BTG4: variants seen among roughly 807,000 people sequenced by gnomAD.
The protein encoded by BTG4 is protein BTG4.
BTG4 carries 10 observed loss-of-function variants against 19.3 expected under a neutral mutation model. The observed-to-expected ratio is 0.52, with a 90% CI of 0.32 to 0.88. BTG4 has a LOEUF of 0.88. Among genes scored for constraint, BTG4 ranks in the 40% least tolerant of loss-of-function variants. The pLI is 0.04. For missense variants in BTG4, 238 were observed against 281.9 expected (o/e 0.84, Z 1.11); for synonymous variants, 91 against 95.7 (o/e 0.95, Z 0.29).
In BTG4 at chr11:111,495,297, C is replaced by G. The variant is rs1242707875; in HGVS notation, c.528G>C (p.Gln176His). ...KSIYQVENLK[Q>H]PFQSWLQIPR... is the part of the protein sequence containing the mutation. ...GGATTTGTAACCAAGATTGAAAGGGCTGTTTCAAGTTTTCAACCTGGAAAA... is the reference window on the plus strand; with the variant it reads ...GGATTTGTAACCAAGATTGAAAGGGGTGTTTCAAGTTTTCAACCTGGAAAA... Residue 176 changes from glutamine (Q) to histidine (H), a missense_variant, in exon 5 of 5, where the codon CAG becomes CAC. Physicochemically the swap from Gln to His is conservative, Grantham distance 24. Coordinates refer to ENST00000692032, the MANE Select transcript of BTG4 (RefSeq NM_001367975.1). The G allele has an allele frequency of 6.2e-7, 1 of 1,611,070 alleles. No homozygotes were observed. The highest frequency in any genetic ancestry group is 8.5e-7 in the Non-Finnish European group (1 of 1,178,966).
At chr11:111,444,562 G>A in the BTG4 span, among the ~76,000 whole-genome samples, 2 of 152,048 alleles carry the variant, frequency 1.3e-5, no homozygotes, top group Admixed American at 6.6e-5. Flanking sequence ...GACTATAGTC[G>A]ATAATAACTT....
At position 111,498,692 on chromosome 11, in the gene BTG4, C is replaced by T; in HGVS notation, c.85G>A (p.Asp29Asn). The T allele has an allele frequency of 6.2e-7, 1 of 1,613,614 alleles. No individual in the cohort carries two copies. Among genetic ancestry groups the T allele is most frequent in the Non-Finnish European group, 8.5e-7 (1 of 1,179,824 alleles). ...HDKLSKQQIE[D>N]FAEKLMTILF... ...ATCGTCATCAGCTTTTCTGCAAAGT[C>T]TTCTATTTGCTGTTTACTTAGTTTA... The change falls in exon 2 of 5, where the codon GAC becomes AAC. Residue 29 changes from aspartate (D) to asparagine (N), a missense_variant. Coordinates refer to ENST00000692032, the MANE Select transcript of BTG4 (RefSeq NM_001367975.1).
intron 5 of BTG4, among the ~76,000 whole-genome samples, chr11:111,483,880 T>C (rs1274215256): frequency 2.6e-5 from 4 of 152,130 alleles, no homozygotes; most frequent in East Asian, 1.9e-4. Context: ...AAGAAGGTCA[T>C]AGGACACCAA....
At chr11:111,455,861 C>G in the BTG4 span, 1 of 455,342 alleles carries the variant, frequency 2.2e-6, no homozygotes, top group Non-Finnish European at 4.4e-6. Context: ...GGCACTGGGG[C>G]GGAGCTACTG....
At chr11:111,412,424 T>C in the BTG4 span, among the ~76,000 whole-genome samples, 5 of 152,358 alleles carry the variant, frequency 3.3e-5, no homozygotes, top group South Asian at 2.1e-4. Flanking sequence ...CCATAACTTA[T>C]GTATTTCAGG....
At chr11:111,463,748 AC>A (rs1178335526), downstream of BTG4, among the ~76,000 whole-genome samples, 1 of 152,194 alleles carries the variant, frequency 6.6e-6, no homozygotes. Context: ...TTAGCTGGGT[AC>A]CTCTGGCCCA....
the BTG4 span, chr11:111,449,631 G>T: frequency 0.012 from 1,820 of 152,480 alleles, 62 homozygotes; most frequent in East Asian, 0.054. Context: ...TGCACTCTCA[G>T]GCAGTTCCTA....
chr11:111,501,293 G>T (rs970861412), intron 1 of BTG4, among the ~76,000 whole-genome samples: 2 of 152,082 alleles, frequency 1.3e-5, no homozygotes, highest in African/African-American at 4.8e-5. Context: ...GAGCCCAGAA[G>T]TTTGAGGCTG....
chr11:111,513,505 G>A (rs772208301), upstream of BTG4: 1 of 529,662 alleles, frequency 1.9e-6, no homozygotes, highest in Non-Finnish European at 3.9e-6. Context: ...ACACGGCCAG[G>A]TAAAAAGATT....
intron 1 of BTG4, among the ~76,000 whole-genome samples, chr11:111,500,508 G>T (rs1308873347): frequency 1.3e-5 from 2 of 152,132 alleles, no homozygotes; most frequent in Non-Finnish European, 2.9e-5. Context: ...CACCAATCGT[G>T]TCTAATGTTC....
Position 111,497,354 on chromosome 11 carries a change from C to A in BTG4, c.367G>T (p.Glu123Ter). The A allele has an allele frequency of 6.8e-7, 1 of 1,466,600 alleles. No homozygotes were observed. Among genetic ancestry groups the A allele is most frequent in the South Asian group, 1.6e-5 (1 of 62,560 alleles). 90.8% of individuals were successfully genotyped at this position (1,466,600 alleles called of 1,614,324 possible). ...TVASFKGRWEEWELYQQISYA... is the reference protein window; with the variant it reads ...TVASFKGRWE The stretch of plus-strand genomic sequence containing the variant: ...CTGATTTGTTGATATAGTTCCCATT[C>A]CTCCCATCTGCCTTTAAAAGAAGCA... The change falls in exon 4 of 5, where the codon GAA (glutamate) becomes TAA (stop). Residue 123 changes from glutamate to a stop codon, truncating the protein, a stop_gained. Coordinates refer to ENST00000692032, the MANE Select transcript of BTG4 (RefSeq NM_001367975.1). LOFTEE classifies it high-confidence loss of function.
At chr11:111,451,248 G>A in the BTG4 span, 1 of 325,310 alleles carries the variant, frequency 3.1e-6, no homozygotes. Flanking sequence ...TCTCCTCAGG[G>A]GCCACTTCTA....
At chr11:111,412,427 A>C in the BTG4 span, among the ~76,000 whole-genome samples, 21 of 152,224 alleles carry the variant, frequency 1.4e-4, no homozygotes, top group Admixed American at 2.6e-4. Context: ...TAACTTATGT[A>C]TTTCAGGGTA....
At chr11:111,510,391 T>A (rs1345623516) in intron 1 of BTG4, among the ~76,000 whole-genome samples, 1 of 152,190 alleles carries the variant, frequency 6.6e-6, no homozygotes, top group Non-Finnish European at 1.5e-5. Context: ...ATCTCCCTAA[T>A]CACCAAAAGC....
the BTG4 span, among the ~76,000 whole-genome samples, chr11:111,437,279 A>C: frequency 1.3e-5 from 2 of 151,904 alleles, no homozygotes; most frequent in African/African-American, 4.8e-5. Context: ...AAACGGGAGG[A>C]GTGTATTGAT....
the BTG4 span, among the ~76,000 whole-genome samples, chr11:111,447,016 G>A: frequency 6.6e-6 from 1 of 152,314 alleles, no homozygotes; most frequent in African/African-American, 2.4e-5. Context: ...CCTAATTACT[G>A]CGTGGCTGTC....
downstream of BTG4, among the ~76,000 whole-genome samples, chr11:111,490,000 A>G (rs1232085664): frequency 6.6e-6 from 1 of 151,972 alleles, no homozygotes; most frequent in Non-Finnish European, 1.5e-5. Context: ...GGCCGGGTGC[A>G]GTGGCTCATG....
chr11:111,390,209 C>T, the BTG4 span, among the ~76,000 whole-genome samples: 1 of 152,228 alleles, frequency 6.6e-6, no homozygotes, highest in Non-Finnish European at 1.5e-5. Flanking sequence ...AACAGCTGAT[C>T]ATTCATCCAT....
the BTG4 span, among the ~76,000 whole-genome samples, chr11:111,441,115 C>CT: frequency 3.9e-4 from 56 of 144,458 alleles, no homozygotes; most frequent in Middle Eastern, 3.6e-3. Flanking sequence ...GCTCTCTTTT[C>CT]TTTTTTTTTT....
Sources: gnomAD v4.1 joint callset for allele counts (sites outside exome capture counted in the v4.1 genomes callset) on GRCh38, gnomAD v4.1.1 for gene constraint, MANE v1.5 for transcripts, NCBI Gene and HGNC (gene_info 2026-07-23, HGNC 2026-07-21) for gene names.